Variants in DSCAML1 observed in about 807,000 individuals in gnomAD.
The protein encoded by DSCAML1 is DS cell adhesion molecule like 1, also known as cell adhesion molecule DSCAML1.
Under a neutral mutation model 200.5 loss-of-function variants are expected in DSCAML1, and 38 were observed. The observed-to-expected ratio is 0.19, with a 90% CI of 0.15 to 0.25. The LOEUF (loss-of-function observed/expected upper bound fraction) is 0.25, where lower values mean the gene tolerates loss of function less well. DSCAML1 is among the 10% of genes least tolerant of loss of function. The pLI, the probability that DSCAML1 is intolerant of heterozygous loss-of-function variation, is 1.00. For synonymous variants in DSCAML1, 1,215 were observed against 1,165.0 expected (o/e 1.04, Z -0.87); for missense variants, 2,223 against 2,858.8 (o/e 0.78, Z 5.07).
At chr11:117,618,671 TAA>T (rs201195482) in intron 3 of DSCAML1, among the ~76,000 whole-genome samples, 1 of 147,738 alleles carries the variant, frequency 6.8e-6, no homozygotes, top group Non-Finnish European at 1.5e-5. Flanking sequence ...AGGTTTGGTT[TAA>T]AAAAAAAAAA....
At chr11:117,595,628 A>G (rs1485401331) in intron 3 of DSCAML1, among the ~76,000 whole-genome samples, 1 of 152,186 alleles carries the variant, frequency 6.6e-6, no homozygotes, top group Non-Finnish European at 1.5e-5. Flanking sequence ...TTCCGTTGAA[A>G]TCTGAGGCAG....
rs986244720 is a variant in DSCAML1, at chr11:117,428,207, G to C, written c.*121C>G. Reference sequence around the variant, plus strand: ...CAGGCGTTCATGATTGGGGGTTTTTGTTTTGTCGTTGGTTGGTTTTTGTCT... The same window carrying C: ...CAGGCGTTCATGATTGGGGGTTTTTCTTTTGTCGTTGGTTGGTTTTTGTCT... On this transcript the variant is annotated 3_prime_UTR_variant, in exon 33 of 33. Transcript: ENST00000651296. The C allele has an allele frequency of 7.6e-6, 5 of 661,474 alleles. No homozygotes were observed. The highest frequency in any genetic ancestry group is 1.1e-5 in the Non-Finnish European group (4 of 370,930). 41.0% of individuals were successfully genotyped at this position (661,474 alleles called of 1,614,324 possible).
rs577825633 is a variant in DSCAML1 at position 117,811,650 on chromosome 11, C to T, written c.-250+5740G>A. On this transcript the variant is annotated intron_variant, in intron 1 of 2. Transcript: ENST00000525836. ...ATCTGCGCGGGACCCCACTGGAAAT[C>T]GGACTGTTCAACTCACCTGGCAGCC... 7.2e-3 allele frequency among the ~76,000 whole-genome samples: 1,101 copies of T among 152,254 alleles called. 11 individuals carry two copies. The highest frequency in any genetic ancestry group is 0.025 in the African/African-American group (1,057 of 41,490).
intron 3 of DSCAML1, among the ~76,000 whole-genome samples, chr11:117,751,578 T>C (rs1260301366): frequency 6.6e-6 from 1 of 152,050 alleles, no homozygotes; most frequent in African/African-American, 2.4e-5. Flanking sequence ...ACCAGCTCTT[T>C]GGGAAGCCTT....
intron 3 of DSCAML1, among the ~76,000 whole-genome samples, chr11:117,594,211 G>C (rs1346899188): frequency 2.6e-5 from 4 of 152,226 alleles, no homozygotes; most frequent in African/African-American, 7.2e-5. Flanking sequence ...CCATTTCAGA[G>C]AGAGTTTATC....
Position 117,525,025 on chromosome 11 carries a change from G to A in DSCAML1, c.717C>T (p.Ala239=), listed in dbSNP as rs2049951673. The A allele has an allele frequency of 6.2e-6, 10 of 1,601,008 alleles. No individual in the cohort carries two copies. Among genetic ancestry groups the A allele is most frequent in the African/African-American group, 4.0e-5 (3 of 74,586 alleles). The change falls in exon 5 of 33, where the codon GCC becomes GCT. Residue 239 remains alanine, a synonymous_variant. Transcript: ENST00000651296. ...TGCAGGGCAGCTCCACGGTGTGGCC[G>A]GCCCACACTTCCTGGGAGTGGAAGC... ...LDGFHSQEVW[A]GHTVELPCTA...
In DSCAML1 at chr11:117,516,833, A is replaced by G. The variant is rs1011502049; in HGVS notation, c.1511-94T>C. ...GGCACCACCCTGCGGTGCTCTTCTC[A>G]GGCACTCGGCCCCTGAGACTTTCGG... On this transcript the variant is annotated intron_variant, in intron 7 of 32. Coordinates refer to ENST00000651296, the MANE Select transcript of DSCAML1 (RefSeq NM_020693.4). This position sits in a 1 kb window ranked among gnomAD's most constrained non-coding sequence, Gnocchi z 5.7. 1 of 1,462,750 alleles carries G rather than the reference A, an allele frequency of 6.8e-7. No homozygotes were observed. Among genetic ancestry groups the G allele is most frequent in the Non-Finnish European group, 9.1e-7 (1 of 1,094,282 alleles). 90.6% of individuals were successfully genotyped at this position (1,462,750 alleles called of 1,614,324 possible). A position where few individuals can be genotyped will look rare whatever the true frequency, so the allele number is the denominator to read the frequency against.
At chr11:117,590,830 T>C (rs1351793264) in intron 3 of DSCAML1, among the ~76,000 whole-genome samples, 1 of 152,078 alleles carries the variant, frequency 6.6e-6, no homozygotes, top group Non-Finnish European at 1.5e-5. Flanking sequence ...CAAGGAAGTA[T>C]TGTCAATTTT....
chr11:117,662,195 C>A (rs182704210), intron 3 of DSCAML1, among the ~76,000 whole-genome samples: 3 of 152,300 alleles, frequency 2.0e-5, no homozygotes, highest in Admixed American at 2.0e-4. Flanking sequence ...ACCCCAGGGG[C>A]AAGTGCCATG....
At chr11:117,727,204 C>A (rs2054147145) in intron 3 of DSCAML1, among the ~76,000 whole-genome samples, 1 of 152,138 alleles carries the variant, frequency 6.6e-6, no homozygotes, top group African/African-American at 2.4e-5. Context: ...GGATTTGAAT[C>A]CTGGTTTGAG....
At chr11:117,706,837 A>G (rs754883197) in intron 3 of DSCAML1, among the ~76,000 whole-genome samples, 17 of 152,164 alleles carry the variant, frequency 1.1e-4, no homozygotes, top group Admixed American at 1.0e-3. Context: ...GTTAAATCAT[A>G]TATAATCTTA....
chr11:117,470,202 T>C (rs1277263500), intron 15 of DSCAML1, among the ~76,000 whole-genome samples: 3 of 152,138 alleles, frequency 2.0e-5, no homozygotes, highest in African/African-American at 4.8e-5. Context: ...TAGCAAACAA[T>C]GATAATAAGG....
chr11:117,790,508 A>T (rs1290506285), intron 1 of DSCAML1, among the ~76,000 whole-genome samples: 2 of 152,256 alleles, frequency 1.3e-5, no homozygotes, highest in African/African-American at 2.4e-5. Flanking sequence ...AGCCACAAAC[A>T]GCTGTGAGAC....
chr11:117,432,354 G>C lies in DSCAML1; in HGVS notation c.5177C>G (p.Thr1726Ser). ...GTCTCCCTGGGGATAATGCGTACTG[G>C]TTCCTGGCCGGATGTCAGACATGTC... ...LIDMSDIRPG[T>S]NPVSRKNVKS... is the part of the protein sequence containing the mutation. The change falls in exon 30 of 33, where the codon ACC becomes AGC. Residue 1726 changes from threonine (T) to serine (S), a missense_variant and splice_region_variant. Physicochemically the swap from Thr to Ser is moderately conservative, Grantham distance 58 (BLOSUM62 1). Around this residue, in one of 7 missense-constraint regions of DSCAML1, gnomAD observed 614 missense variants for 739.1 expected, o/e 0.83. Transcript: ENST00000651296. The C allele has an allele frequency of 6.2e-7, 1 of 1,613,322 alleles. No individual in the cohort carries two copies. The highest frequency in any genetic ancestry group is 8.5e-7 in the Non-Finnish European group (1 of 1,179,702).
At chr11:117,530,734 C>T (rs1489289397) in intron 4 of DSCAML1, among the ~76,000 whole-genome samples, 2 of 152,064 alleles carry the variant, frequency 1.3e-5, no homozygotes, top group Non-Finnish European at 2.9e-5. Context: ...GGGCAGAGCT[C>T]ATCACCAAAC....
chr11:117,566,743 A>C (rs1431563382), intron 3 of DSCAML1, among the ~76,000 whole-genome samples: 4 of 110,028 alleles, frequency 3.6e-5, no homozygotes, highest in Non-Finnish European at 5.7e-5. Context: ...CCTACCCCAC[A>C]ACAGTCCCCA....
chr11:117,760,119 G>A (rs1211338982), intron 3 of DSCAML1, among the ~76,000 whole-genome samples: 1 of 152,110 alleles, frequency 6.6e-6, no homozygotes, highest in Non-Finnish European at 1.5e-5. Context: ...AGTGGGATGC[G>A]AAGTCCACCT....
intron 1 of DSCAML1, among the ~76,000 whole-genome samples, chr11:117,787,221 C>G (rs933497199): frequency 2.0e-5 from 3 of 152,212 alleles, no homozygotes; most frequent in Non-Finnish European, 2.9e-5. Context: ...GTGACAATGT[C>G]TACCTCAAGG....
intron 3 of DSCAML1, among the ~76,000 whole-genome samples, chr11:117,656,307 C>T (rs2052733827): frequency 6.6e-6 from 1 of 152,172 alleles, no homozygotes; most frequent in Admixed American, 6.5e-5. Flanking sequence ...AATCCTGGCT[C>T]CACCAGGTAA....
Sources: allele counts gnomAD v4.1 joint callset (sites outside exome capture counted in the v4.1 genomes callset), GRCh38; gene constraint gnomAD v4.1.1; regional missense constraint gnomAD v4.1.1; non-coding constraint Gnocchi (gnomAD v3.1); transcripts MANE v1.5; gene names NCBI Gene and HGNC (gene_info 2026-07-23, HGNC 2026-07-21).